Variants in SPTSSB observed in about 807,000 individuals in gnomAD.
SPTSSB encodes the protein androgen down regulated in mouse prostate.
SPTSSB carries 6 observed loss-of-function variants against 7.7 expected under a neutral mutation model. The observed-to-expected ratio is 0.78, with a 90% CI of 0.43 to 1.54. SPTSSB has a LOEUF of 1.54. SPTSSB is among the 40% of genes most tolerant of loss of function. The probability of loss-of-function intolerance (pLI) is 0.01; values close to 1 mark genes in which losing one functional copy is unlikely to be tolerated. For missense variants in SPTSSB, 91 were observed against 93.0 expected, an observed-to-expected ratio of 0.98 and a Z score of 0.09; for synonymous variants, 28 against 29.7, an observed-to-expected ratio of 0.94 and a Z score of 0.19.
At chr3:161,363,968 A>T (rs1459029102) in intron 1 of SPTSSB, among the ~76,000 whole-genome samples, 1 of 151,964 alleles carries the variant, frequency 6.6e-6, no homozygotes, top group Non-Finnish European at 1.5e-5. Context: ...TACATGAAAA[A>T]AAAAATCCAT....
chr3:161,358,009 A>G (rs1023509693), intron 2 of SPTSSB, among the ~76,000 whole-genome samples: 1 of 147,670 alleles, frequency 6.8e-6, no homozygotes, highest in African/African-American at 2.5e-5. Context: ...GTAGAATCTT[A>G]TAATGTGATC....
rs555788001 is a variant in SPTSSB, at chr3:161,360,495, C to T, written c.-125-601G>A. ...CTCATATATAGAACAGTGATATTGT[C>T]TTATGCATATATTAGGTGTGAGAAT... On this transcript the variant is annotated intron_variant, in intron 1 of 2. Transcript: ENST00000620149. Among the ~76,000 whole-genome samples the T allele has an allele frequency of 4.6e-5, 7 of 152,168 alleles. No homozygotes were observed. The East Asian group carries it at 1.4e-3, about 29-fold the overall frequency.
intron 1 of SPTSSB, among the ~76,000 whole-genome samples, chr3:161,369,824 A>G (rs1180388577): frequency 6.6e-6 from 1 of 152,150 alleles, no homozygotes; most frequent in Non-Finnish European, 1.5e-5. Flanking sequence ...ATCACACTCA[A>G]CTGGAGAGGG....
intron 2 of SPTSSB, among the ~76,000 whole-genome samples, chr3:161,357,780 G>T (rs960384677): frequency 2.0e-5 from 3 of 148,792 alleles, no homozygotes; most frequent in African/African-American, 4.9e-5. Flanking sequence ...GAAGCCACAA[G>T]CCAAAAAAAA....
chr3:161,365,883 C>G (rs568386358), intron 1 of SPTSSB, among the ~76,000 whole-genome samples: 19 of 152,280 alleles, frequency 1.2e-4, no homozygotes, highest in African/African-American at 4.1e-4. Context: ...TCCTTTAAAC[C>G]AAGTGCCCTG....
intron 1 of SPTSSB, among the ~76,000 whole-genome samples, chr3:161,370,047 A>C (rs1260271407): frequency 6.6e-6 from 1 of 152,212 alleles, no homozygotes; most frequent in Non-Finnish European, 1.5e-5. Flanking sequence ...TCTGGAAGTG[A>C]GTCCCATTTG....
intron 1 of SPTSSB, among the ~76,000 whole-genome samples, chr3:161,368,736 C>T (rs1715329637): frequency 6.6e-6 from 1 of 152,196 alleles, no homozygotes; most frequent in Admixed American, 6.5e-5. Flanking sequence ...CCTAATCTTA[C>T]CTTCTACTGC....
At chr3:161,349,005 G>T (rs987491959) in intron 2 of SPTSSB, among the ~76,000 whole-genome samples, 3 of 152,084 alleles carry the variant, frequency 2.0e-5, no homozygotes, top group African/African-American at 7.2e-5. Flanking sequence ...CTTATCTCCT[G>T]TGGGACTATA....
At chr3:161,358,027 A>G (rs1270765155) in intron 2 of SPTSSB, among the ~76,000 whole-genome samples, 4 of 149,204 alleles carry the variant, frequency 2.7e-5, no homozygotes, top group Admixed American at 6.8e-5. Context: ...ATCTCTTTGC[A>G]GGCAATAGAA....
intron 1 of SPTSSB, among the ~76,000 whole-genome samples, chr3:161,360,461 G>C (rs1305604506): frequency 6.6e-6 from 1 of 152,116 alleles, no homozygotes; most frequent in Non-Finnish European, 1.5e-5. Context: ...GTCTTTCTCA[G>C]TCTTTTTCCT....
chr3:161,358,752 G>C lies in SPTSSB; in HGVS notation c.-33+1050C>G, dbSNP rs1421216038. 2.0e-5 allele frequency among the ~76,000 whole-genome samples: 3 copies of C among 152,182 alleles called. No homozygotes were observed. The East Asian group carries it at 5.8e-4, about 29-fold the overall frequency. On this transcript the variant is annotated intron_variant, in intron 2 of 2. Coordinates refer to ENST00000620149, the MANE Select transcript of SPTSSB (RefSeq NM_001040100.2). ...TGGCTGTCATAAAGCAGACAAACAG[G>C]CTTCAGCAACCTCAATGGCACCTGT...
intron 2 of SPTSSB, among the ~76,000 whole-genome samples, chr3:161,355,545 A>G (rs1714733752): frequency 1.3e-5 from 2 of 152,232 alleles, no homozygotes; most frequent in Non-Finnish European, 2.9e-5. Flanking sequence ...ATTCTGGCAC[A>G]TGCTACAACA....
Position 161,371,436 on chromosome 3 carries a change from T to A in SPTSSB, c.-127A>T. ...GTAGGTATTTTGGAAGATGCTTACC[T>A]CCCAGTTGGGTGTATCTCCCTGCGG... On this transcript the variant is annotated splice_region_variant and 5_prime_UTR_variant, in exon 1 of 3. Coordinates refer to ENST00000620149, the MANE Select transcript of SPTSSB (RefSeq NM_001040100.2). 1 of 985,428 alleles carries A rather than the reference T, an allele frequency of 1.0e-6. No individual in the cohort carries two copies. Among genetic ancestry groups the A allele is most frequent in the South Asian group, 4.7e-5 (1 of 21,282 alleles). The allele number at this position is 985,428 out of a possible 1,614,324, so 61.0% of individuals were successfully genotyped here.
At chr3:161,364,266 A>G (rs1040186770) in intron 1 of SPTSSB, among the ~76,000 whole-genome samples, 1 of 152,188 alleles carries the variant, frequency 6.6e-6, no homozygotes, top group African/African-American at 2.4e-5. Context: ...GGGCCTGGGC[A>G]TGTGTGCTAG....
intron 2 of SPTSSB, among the ~76,000 whole-genome samples, chr3:161,349,624 TGAC>T (rs557428772): frequency 7.2e-5 from 11 of 152,246 alleles, no homozygotes; most frequent in Non-Finnish European, 1.6e-4. Flanking sequence ...CTAAACTTGA[TGAC>T]TTTAAAAATG....
intron 2 of SPTSSB, among the ~76,000 whole-genome samples, chr3:161,350,994 A>G (rs938695910): frequency 6.6e-6 from 1 of 152,158 alleles, no homozygotes; most frequent in African/African-American, 2.4e-5. Flanking sequence ...TTAGAGGGGC[A>G]TTCTACAAGA....
At chr3:161,350,159 TTTG>T (rs902347301) in intron 2 of SPTSSB, among the ~76,000 whole-genome samples, 63 of 152,294 alleles carry the variant, frequency 4.1e-4, no homozygotes, top group African/African-American at 1.4e-3. Context: ...CAGGGAGCTC[TTTG>T]TTGTTGTTTT....
intron 1 of SPTSSB, among the ~76,000 whole-genome samples, chr3:161,364,737 T>C (rs889556020): frequency 6.6e-6 from 1 of 152,064 alleles, no homozygotes; most frequent in Non-Finnish European, 1.5e-5. Flanking sequence ...TGAACATTCA[T>C]TGGTGCTTAT....
intron 1 of SPTSSB, among the ~76,000 whole-genome samples, chr3:161,366,496 T>C (rs1715224418): frequency 1.3e-5 from 2 of 152,142 alleles, no homozygotes; most frequent in Non-Finnish European, 2.9e-5. Context: ...AGAAATTAAC[T>C]GGGAGCTGGT....
Sources: allele counts gnomAD v4.1 joint callset (sites outside exome capture counted in the v4.1 genomes callset), GRCh38; gene constraint gnomAD v4.1.1; transcripts MANE v1.5; gene names NCBI Gene and HGNC (gene_info 2026-07-23, HGNC 2026-07-21).